The following TET3 variants were observed in gnomAD, a reference collection of about 807,000 sequenced individuals.
TET3 encodes the protein methylcytosine dioxygenase TET3.
Under a neutral mutation model 141.4 loss-of-function variants are expected in TET3, and 19 were observed. That is an observed-to-expected ratio of 0.13 (90% CI 0.09 to 0.20). The LOEUF (loss-of-function observed/expected upper bound fraction) is 0.20, where lower values mean the gene tolerates loss of function less well. Ranked by LOEUF, TET3 falls within the 10% of genes least tolerant of loss-of-function variation. The pLI, the probability that TET3 is intolerant of heterozygous loss-of-function variation, is 1.00. For missense variants in TET3, 1,874 were observed against 2,356.9 expected, an observed-to-expected ratio of 0.80 and a Z score of 4.24; for synonymous variants, 1,043 against 980.9, an observed-to-expected ratio of 1.06 and a Z score of -1.18.
At chr2:74,004,172 GAGAGGAAGCGC>G (rs1181008446) in intron 3 of TET3, among the ~76,000 whole-genome samples, 4 of 152,168 alleles carry the variant, frequency 2.6e-5, no homozygotes, top group Admixed American at 2.0e-4. Flanking sequence ...CTTCCTAGCG[GAGAGGAAGCGC>G]GTTCCTGCCC....
chr2:74,119,062 T>C, the TET3 span, among the ~76,000 whole-genome samples: 1 of 152,190 alleles, frequency 6.6e-6, no homozygotes, highest in African/African-American at 2.4e-5. Context: ...TTTCACAATA[T>C]TGCCAACTTT....
chr2:74,016,713 C>T (rs1347126326), intron 3 of TET3, among the ~76,000 whole-genome samples: 1 of 149,966 alleles, frequency 6.7e-6, no homozygotes, highest in Admixed American at 6.6e-5. Context: ...CAGAGTGAGA[C>T]TCTGTCTCAA....
chr2:74,087,727 G>A lies in TET3; in HGVS notation c.2680-103G>A, dbSNP rs1334747974. The A allele has an allele frequency of 1.0e-5, 12 of 1,199,454 alleles. No individual in the cohort carries two copies. Among genetic ancestry groups the A allele is most frequent in the Middle Eastern group, 2.8e-4 (1 of 3,528 alleles). 74.3% of individuals were successfully genotyped at this position (1,199,454 alleles called of 1,614,324 possible). ...GGCATGACATCCCTAGAACCCTGCC[G>A]TTAAGACCTGCACCCTGGGTCTGTG... On this transcript the variant is annotated intron_variant, in intron 6 of 11. Coordinates refer to ENST00000409262, the MANE Select transcript of TET3 (RefSeq NM_001287491.2). This position sits in a 1 kb window ranked among gnomAD's most constrained non-coding sequence, Gnocchi z 4.3.
Position 74,046,184 on chromosome 2 carries a change from G to A in TET3, c.361-94G>A, listed in dbSNP as rs1472753358. On this transcript the variant is annotated intron_variant, in intron 3 of 11. Transcript: ENST00000409262. The surrounding 1 kb of genome is among the most constrained non-coding windows in gnomAD (Gnocchi z 4.3). ...GAGAGGATTTGCAAGAAAAGTTGGGGTCAGATGTGCACCTGAGTGGTATGA... is the reference window on the plus strand; with the variant it reads ...GAGAGGATTTGCAAGAAAAGTTGGGATCAGATGTGCACCTGAGTGGTATGA... The A allele has an allele frequency of 8.5e-7, 1 of 1,170,430 alleles. No individual in the cohort carries two copies. Among genetic ancestry groups the A allele is most frequent in the Non-Finnish European group, 1.1e-6 (1 of 884,866 alleles). The allele number at this position is 1,170,430 out of a possible 1,614,324, so 72.5% of individuals were successfully genotyped here.
At chr2:74,065,418 A>G (rs1688825856) in intron 4 of TET3, among the ~76,000 whole-genome samples, 1 of 152,192 alleles carries the variant, frequency 6.6e-6, no homozygotes, top group Non-Finnish European at 1.5e-5. Context: ...TGGTCTTTGG[A>G]CATACCTCAC....
the TET3 span, among the ~76,000 whole-genome samples, chr2:74,129,585 C>T: frequency 2.6e-5 from 4 of 151,588 alleles, no homozygotes; most frequent in Admixed American, 6.6e-5. Flanking sequence ...GAGCCAAGAT[C>T]GCACCACTGT....
chr2:74,060,343 T>G (rs921789090), intron 4 of TET3, among the ~76,000 whole-genome samples: 7 of 152,162 alleles, frequency 4.6e-5, no homozygotes, highest in African/African-American at 1.7e-4. Flanking sequence ...TCAAGCCCAT[T>G]TCTGTATTGT....
At chr2:74,042,654 G>A (rs191649743) in intron 3 of TET3, among the ~76,000 whole-genome samples, 9 of 152,318 alleles carry the variant, frequency 5.9e-5, no homozygotes, top group Admixed American at 5.9e-4. Flanking sequence ...TTGGATGTTG[G>A]TAGGTTAATG....
chr2:74,080,699 C>CA, intron 6 of TET3, 108 bp downstream of exon 6: 1 of 405,066 alleles, frequency 2.5e-6, no homozygotes, highest in Admixed American at 5.9e-5. Context: ...CAGGCGAGGG[C>CA]GGGGGGTGGG....
intron 4 of TET3, among the ~76,000 whole-genome samples, chr2:74,067,221 T>G (rs971801306): frequency 6.6e-6 from 1 of 152,232 alleles, no homozygotes; most frequent in Admixed American, 6.5e-5. Flanking sequence ...TTTCTAACTT[T>G]TTAGTTGAAA....
the TET3 span, among the ~76,000 whole-genome samples, chr2:74,133,318 C>T: frequency 6.6e-6 from 1 of 152,160 alleles, no homozygotes; most frequent in Non-Finnish European, 1.5e-5. Flanking sequence ...AAAATGTAAC[C>T]CCAAACACTG....
intron 6 of TET3, among the ~76,000 whole-genome samples, chr2:74,085,515 C>T (rs1230777161): frequency 6.6e-6 from 1 of 152,248 alleles, no homozygotes; most frequent in Non-Finnish European, 1.5e-5. Context: ...AGAGACCACT[C>T]AGGTGCTCTA....
intron 4 of TET3, among the ~76,000 whole-genome samples, chr2:74,060,906 G>A (rs1405636616): frequency 6.6e-6 from 1 of 152,228 alleles, no homozygotes; most frequent in East Asian, 1.9e-4. Flanking sequence ...AGTCTCCCAT[G>A]TCTACCTCTT....
chr2:74,008,866 C>CGAGGCCTG (rs1299668232), intron 3 of TET3, among the ~76,000 whole-genome samples: 1 of 152,112 alleles, frequency 6.6e-6, no homozygotes, highest in Non-Finnish European at 1.5e-5. Flanking sequence ...TGGTTACCTC[C>CGAGGCCTG]GAGGCCTGGA....
At position 74,046,007 on chromosome 2, in the gene TET3, G is replaced by A. The variant is rs1249071882; in HGVS notation, c.361-271G>A. Among the ~76,000 whole-genome samples the A allele has an allele frequency of 6.6e-6, 1 of 152,168 alleles. No homozygotes were observed. The highest frequency in any genetic ancestry group is 2.4e-5 in the African/African-American group (1 of 41,442). The stretch of plus-strand genomic sequence containing the variant: ...AGCCTCATTTGTGTGATTGATCTGA[G>A]GCTCTAAAAGTTTCTGAGCAACATT... On this transcript the variant is annotated intron_variant, in intron 3 of 11. Coordinates refer to ENST00000409262, the MANE Select transcript of TET3 (RefSeq NM_001287491.2). This position sits in a 1 kb window ranked among gnomAD's most constrained non-coding sequence, Gnocchi z 4.3.
intron 3 of TET3, among the ~76,000 whole-genome samples, chr2:74,023,448 G>T (rs1034211932): frequency 6.6e-6 from 1 of 152,078 alleles, no homozygotes; most frequent in African/African-American, 2.4e-5. Context: ...TCACTGTGTT[G>T]CCTGAGCTGG....
At chr2:74,003,867 G>C (rs1054690448) in intron 3 of TET3, among the ~76,000 whole-genome samples, 1 of 151,828 alleles carries the variant, frequency 6.6e-6, no homozygotes, top group Non-Finnish European at 1.5e-5. Context: ...CGGGGAGCTG[G>C]GGTGTTTGAG....
At chr2:74,065,522 C>T (rs1688831540) in intron 4 of TET3, among the ~76,000 whole-genome samples, 1 of 150,978 alleles carries the variant, frequency 6.6e-6, no homozygotes, top group African/African-American at 2.4e-5. Flanking sequence ...TTGAATTAAC[C>T]ATTTCTCCAA....
intron 3 of TET3, among the ~76,000 whole-genome samples, chr2:74,015,949 G>C (rs899856958): frequency 1.3e-5 from 2 of 151,976 alleles, no homozygotes; most frequent in African/African-American, 4.8e-5. Flanking sequence ...CATTTATTCT[G>C]TGTATTACCT....
Sources: gnomAD v4.1 joint callset for allele counts (sites outside exome capture counted in the v4.1 genomes callset) on GRCh38, gnomAD v4.1.1 for gene constraint, Gnocchi (gnomAD v3.1) non-coding constraint, MANE v1.5 for transcripts, NCBI Gene and HGNC (gene_info 2026-07-23, HGNC 2026-07-21) for gene names.